The following COL24A1 variants were observed in gnomAD, a reference collection of about 807,000 sequenced individuals.
The protein encoded by COL24A1 is collagen type XXIV alpha 1 chain.
COL24A1 carries 224 observed loss-of-function variants against 253.9 expected under a neutral mutation model. The observed-to-expected ratio is 0.88, with a 90% CI of 0.79 to 0.99. The LOEUF is 0.99. Ranked by LOEUF, COL24A1 falls within the 50% of genes least tolerant of loss-of-function variation. The pLI, the probability that COL24A1 is intolerant of heterozygous loss-of-function variation, is 0.00. For synonymous variants in COL24A1, 685 were observed against 673.7 expected (o/e 1.02, Z -0.26); for missense variants, 2,131 against 2,068.5 (o/e 1.03, Z -0.59).
At chr1:85,744,106 C>T (rs914603361) in intron 57 of COL24A1, among the ~76,000 whole-genome samples, 3 of 151,872 alleles carry the variant, frequency 2.0e-5, no homozygotes, top group African/African-American at 7.3e-5. Flanking sequence ...ATGACTTACT[C>T]CTCTTGATTT....
At chr1:85,937,168 G>C (rs1308885290) in intron 24 of COL24A1, among the ~76,000 whole-genome samples, 1 of 147,682 alleles carries the variant, frequency 6.8e-6, no homozygotes, top group Non-Finnish European at 1.5e-5. Flanking sequence ...GGCTTCTTAC[G>C]TAGGTGCAAA....
chr1:85,895,091 C>T (rs1317709031), intron 31 of COL24A1, among the ~76,000 whole-genome samples: 1 of 152,068 alleles, frequency 6.6e-6, no homozygotes, highest in Non-Finnish European at 1.5e-5. Flanking sequence ...TATCCATATA[C>T]TTAAGCTTAT....
intron 53 of COL24A1, among the ~76,000 whole-genome samples, chr1:85,772,962 G>A (rs959465843): frequency 6.6e-6 from 1 of 152,112 alleles, no homozygotes; most frequent in African/African-American, 2.4e-5. Context: ...TGTCCTGAAT[G>A]GTATTGCCCA....
At chr1:85,997,261 C>T (rs12407101) in intron 19 of COL24A1, among the ~76,000 whole-genome samples, 57,939 of 149,998 alleles carry the variant, frequency 0.39, 11,633 homozygotes, top group East Asian at 0.58. Flanking sequence ...GGCAAAGGCA[C>T]GTTTAAAACT....
chr1:85,940,705 T>C (rs895104259), intron 24 of COL24A1, among the ~76,000 whole-genome samples: 1 of 152,200 alleles, frequency 6.6e-6, no homozygotes, highest in African/African-American at 2.4e-5. Context: ...TTTCAGCTTC[T>C]AACGTTTCCC....
intron 1 of COL24A1, chr1:86,154,960 T>A (rs1036935474): frequency 2.6e-5 from 4 of 152,322 alleles, no homozygotes; most frequent in African/African-American, 9.7e-5. Flanking sequence ...TCCAGGCTGG[T>A]CCACACAGAG....
intron 7 of COL24A1, among the ~76,000 whole-genome samples, chr1:86,082,193 T>A (rs1001773926): frequency 6.6e-6 from 1 of 152,168 alleles, no homozygotes; most frequent in Non-Finnish European, 1.5e-5. Context: ...GGCACTCCCC[T>A]TCTTACAATC....
chr1:86,023,091 AC>A, intron 14 of COL24A1, 84 bp from the exon 15 acceptor site: 1 of 1,299,510 alleles, frequency 7.7e-7, no homozygotes, highest in Admixed American at 2.0e-5. Context: ...AAATTAATGA[AC>A]CCAAAACAGC....
chr1:86,062,767 A>C (rs1701184822), intron 8 of COL24A1, among the ~76,000 whole-genome samples: 1 of 152,160 alleles, frequency 6.6e-6, no homozygotes, highest in South Asian at 2.1e-4. Context: ...TACATGTGTT[A>C]GAGATACATA....
At chr1:86,011,475 C>T (rs1485927824) in intron 19 of COL24A1, among the ~76,000 whole-genome samples, 1 of 152,142 alleles carries the variant, frequency 6.6e-6, no homozygotes. Context: ...AAGTTACCTG[C>T]CCTTCTCCTA....
intron 51 of COL24A1, among the ~76,000 whole-genome samples, chr1:85,781,810 T>C (rs1570590011): frequency 6.6e-6 from 1 of 152,176 alleles, no homozygotes. Flanking sequence ...GAATTAAATA[T>C]GAAAAGTGCT....
chr1:86,027,175 A>T (rs1258622840), intron 14 of COL24A1, among the ~76,000 whole-genome samples: 3 of 152,252 alleles, frequency 2.0e-5, no homozygotes, highest in African/African-American at 7.2e-5. Context: ...AGTATAAAAA[A>T]GTTCAGAAAA....
chr1:85,783,570 A>G lies in COL24A1; in HGVS notation c.4222-12T>C, dbSNP rs370046452. 1 of 1,611,532 alleles carries G rather than the reference A, an allele frequency of 6.2e-7. No homozygotes were observed. The highest frequency in any genetic ancestry group is 1.3e-5 in the African/African-American group (1 of 74,920). Reference sequence around the variant, plus strand: ...TCCCCTTCAGGACCCTAGACATACAATAAGAAACAAAAAGATAAAATTTGT... The same window carrying G: ...TCCCCTTCAGGACCCTAGACATACAGTAAGAAACAAAAAGATAAAATTTGT... On this transcript the variant is annotated splice_polypyrimidine_tract_variant and intron_variant, in intron 50 of 59. Coordinates refer to ENST00000370571, the MANE Select transcript of COL24A1 (RefSeq NM_152890.7).
chr1:85,789,186 T>C (rs1670015823), intron 47 of COL24A1, among the ~76,000 whole-genome samples: 1 of 152,242 alleles, frequency 6.6e-6, no homozygotes, highest in Admixed American at 6.5e-5. Flanking sequence ...TAATTCTTCC[T>C]ATCCACGAGC....
At chr1:85,755,047 A>C (rs1272170590) in intron 55 of COL24A1, among the ~76,000 whole-genome samples, 1 of 152,180 alleles carries the variant, frequency 6.6e-6, no homozygotes, top group African/African-American at 2.4e-5. Context: ...AGAATTCTGA[A>C]AGCAGAGAGG....
chr1:85,992,114 T>G (rs1023408811), intron 19 of COL24A1, among the ~76,000 whole-genome samples: 1 of 150,674 alleles, frequency 6.6e-6, no homozygotes, highest in Admixed American at 6.6e-5. Context: ...GATGTTCCCC[T>G]TCCTGTGTCC....
intron 47 of COL24A1, among the ~76,000 whole-genome samples, chr1:85,800,834 T>C (rs1237745363): frequency 6.6e-6 from 1 of 152,102 alleles, no homozygotes; most frequent in East Asian, 1.9e-4. Context: ...TTGTTTCAAG[T>C]GACAAGGAAG....
At chr1:86,119,974 T>C (rs939206960) in intron 3 of COL24A1, among the ~76,000 whole-genome samples, 3 of 152,018 alleles carry the variant, frequency 2.0e-5, no homozygotes, top group East Asian at 1.9e-4. Flanking sequence ...ACAGAGGCCT[T>C]AGAAATAACA....
At chr1:86,028,831 G>C (rs1698287365) in intron 14 of COL24A1, among the ~76,000 whole-genome samples, 1 of 152,154 alleles carries the variant, frequency 6.6e-6, no homozygotes, top group South Asian at 2.1e-4. Context: ...GAGTGTTTCA[G>C]GTAGACAAAC....
Sources: allele counts gnomAD v4.1 joint callset (sites outside exome capture counted in the v4.1 genomes callset), GRCh38; gene constraint gnomAD v4.1.1; transcripts MANE v1.5; gene names NCBI Gene and HGNC (gene_info 2026-07-23, HGNC 2026-07-21).